CALCRL: variants seen among roughly 807,000 people sequenced by gnomAD.
CALCRL encodes calcitonin receptor like receptor.
Under a neutral mutation model 60.4 loss-of-function variants are expected in CALCRL, and 27 were observed. That is an observed-to-expected ratio of 0.45 (90% CI 0.33 to 0.62). CALCRL has a LOEUF of 0.62. Among genes scored for constraint, CALCRL ranks in the 20% least tolerant of loss-of-function variants. CALCRL has a pLI of 0.03. For synonymous variants in CALCRL, 190 were observed against 182.6 expected (o/e 1.04, Z -0.33); for missense variants, 424 against 540.7 (o/e 0.78, Z 2.14).
intron 3 of CALCRL, among the ~76,000 whole-genome samples, chr2:187,386,133 A>AGATAAATAGATAGAT (rs1553509533): frequency 6.6e-6 from 1 of 151,496 alleles, no homozygotes; most frequent in African/African-American, 2.4e-5. Flanking sequence ...AACTTCTTAT[A>AGATAAATAGATAGAT]GATAGATAGA....
At chr2:187,402,962 A>C (rs1688956191) in intron 1 of CALCRL, among the ~76,000 whole-genome samples, 2 of 151,614 alleles carry the variant, frequency 1.3e-5, no homozygotes, top group African/African-American at 4.8e-5. Context: ...ATCCTTATGA[A>C]AAGAGAAAGA....
At chr2:187,447,899 T>TG (rs1691266964) in intron 1 of CALCRL, 140 bp downstream of exon 1, 1 of 152,118 alleles carries the variant, frequency 6.6e-6, no homozygotes, top group Non-Finnish European at 1.5e-5. Context: ...TAGGCTGTAT[T>TG]TTCTCTAGCA....
chr2:187,444,918 C>T (rs1691102606), intron 1 of CALCRL, among the ~76,000 whole-genome samples: 1 of 151,432 alleles, frequency 6.6e-6, no homozygotes, highest in Admixed American at 6.6e-5. Context: ...AGAATGTAGA[C>T]TTGTATTTCT....
At chr2:187,436,195 T>A (rs1690637385) in intron 1 of CALCRL, among the ~76,000 whole-genome samples, 1 of 152,196 alleles carries the variant, frequency 6.6e-6, no homozygotes, top group South Asian at 2.1e-4. Context: ...CTCTATTGTG[T>A]TATTATGCCC....
chr2:187,373,848 A>G (rs1355063898), intron 8 of CALCRL, among the ~76,000 whole-genome samples: 1 of 152,160 alleles, frequency 6.6e-6, no homozygotes, highest in Admixed American at 6.5e-5. Context: ...GGAATTTGAG[A>G]CCAATACTGC....
At position 187,380,559 on chromosome 2, in the gene CALCRL, C is replaced by A; in HGVS notation, c.316G>T (p.Asp106Tyr). ...TGTCTAAACCAGTTTCCATCTTGGT[C>A]ACAGATCTTTGTAACTTTTTCTTTA... is the stretch of plus-strand genomic sequence containing the variant. ...DPSEKVTKICDQDGNWFRHPA... is the reference protein window; with the variant it reads ...DPSEKVTKICYQDGNWFRHPA... Residue 106 changes from aspartate to tyrosine, a missense_variant, in exon 7 of 15, where the codon GAC (aspartate) becomes TAC (tyrosine). Asp to Tyr is a radical substitution (Grantham distance 160). Transcript: ENST00000392370. The A allele has an allele frequency of 1.2e-6, 2 of 1,612,218 alleles. No homozygotes were observed. Among genetic ancestry groups the A allele is most frequent in the South Asian group, 1.1e-5 (1 of 90,930 alleles).
chr2:187,385,483 T>A, intron 4 of CALCRL, 62 bp downstream of exon 4: 1 of 820,510 alleles, frequency 1.2e-6, no homozygotes, highest in South Asian at 1.6e-5. Context: ...TTAATATTCT[T>A]TATCAATTAT....
At position 187,379,195 on chromosome 2, in the gene CALCRL, C is replaced by T. The variant is rs1024022088; in HGVS notation, c.409-164G>A. ...GTTTACAAACCAATAAATACTTGAA[C>T]GTGTCTGGAATGAAAAATATCTATC... On this transcript the variant is annotated intron_variant, in intron 7 of 14. Transcript: ENST00000392370. 1.5e-4 allele frequency among the ~76,000 whole-genome samples: 23 copies of T among 152,034 alleles called. 1 individual carries two copies. Among genetic ancestry groups the T allele is most frequent in the Middle Eastern group, 3.4e-3 (1 of 294 alleles).
intron 1 of CALCRL, among the ~76,000 whole-genome samples, chr2:187,435,457 C>T (rs1250074457): frequency 6.6e-6 from 1 of 152,178 alleles, no homozygotes; most frequent in African/African-American, 2.4e-5. Context: ...GGTCCCACCT[C>T]CAACACTGGG....
At chr2:187,375,964 G>A (rs549064049) in intron 8 of CALCRL, among the ~76,000 whole-genome samples, 1 of 152,250 alleles carries the variant, frequency 6.6e-6, no homozygotes, top group African/African-American at 2.4e-5. Flanking sequence ...AAGAAATACA[G>A]TTTATGTGTG....
chr2:187,437,687 A>T (rs1296435504), intron 1 of CALCRL, among the ~76,000 whole-genome samples: 1 of 152,324 alleles, frequency 6.6e-6, no homozygotes, highest in Admixed American at 6.5e-5. Flanking sequence ...TAATAACTTT[A>T]TCAAAAATAT....
chr2:187,406,781 T>C (rs1378445695), intron 1 of CALCRL, among the ~76,000 whole-genome samples: 1 of 152,012 alleles, frequency 6.6e-6, no homozygotes, highest in Non-Finnish European at 1.5e-5. Flanking sequence ...TCTTACTTGG[T>C]TTATTTCCTA....
intron 12 of CALCRL, among the ~76,000 whole-genome samples, chr2:187,354,970 G>A (rs933905915): frequency 3.3e-5 from 5 of 151,950 alleles, no homozygotes; most frequent in African/African-American, 9.7e-5. Context: ...TAGCCCAAAC[G>A]ATATATTATA....
intron 1 of CALCRL, among the ~76,000 whole-genome samples, chr2:187,438,650 T>G (rs1160680974): frequency 6.6e-6 from 1 of 152,178 alleles, no homozygotes; most frequent in Non-Finnish European, 1.5e-5. Flanking sequence ...GTCAGCCAGT[T>G]TCAACAAGAA....
rs553873959 is a variant in CALCRL, at chr2:187,345,359, T to G, written c.*825A>C. The G allele has an allele frequency of 7.2e-5, 11 of 152,378 alleles. No individual in the cohort carries two copies. Among genetic ancestry groups the G allele is most frequent in the African/African-American group, 9.6e-5 (4 of 41,514 alleles). 9.4% of individuals were successfully genotyped at this position (152,378 alleles called of 1,614,324 possible). A position where few individuals can be genotyped will look rare whatever the true frequency, so the allele number is the denominator to read the frequency against. On this transcript the variant is annotated 3_prime_UTR_variant, in exon 15 of 15. Transcript: ENST00000392370. ...AATGATTGCTAATTTGTTTATACAG[T>G]AGAAATGGAAGGGACAAAATTTATA...
chr2:187,360,633 T>C lies in CALCRL; in HGVS notation c.746A>G (p.Lys249Arg). 6.2e-7 allele frequency: 1 copy of C among 1,612,248 alleles called. No homozygotes were observed. The highest frequency in any genetic ancestry group is 8.5e-7 in the Non-Finnish European group (1 of 1,179,060). Reference sequence around the variant, plus strand: ...AAAATAATACCACATTAAATGTTGCTTCTCTGCAAACACGGCCACCACAAT... The same window carrying C: ...AAAATAATACCACATTAAATGTTGCCTCTCTGCAAACACGGCCACCACAAT... ...TLIVVAVFAE[K>R]QHLMWYYFLG... The change falls in exon 10 of 15, where the codon AAG becomes AGG. Residue 249 changes from lysine (K) to arginine (R), a missense_variant. Coordinates refer to ENST00000392370, the MANE Select transcript of CALCRL (RefSeq NM_005795.6).
chr2:187,430,674 T>C (rs563240573), intron 1 of CALCRL, among the ~76,000 whole-genome samples: 1 of 152,242 alleles, frequency 6.6e-6, no homozygotes, highest in East Asian at 1.9e-4. Flanking sequence ...CAGGGAGTTC[T>C]AAAAATAATA....
chr2:187,360,434 A>G (rs956873894), intron 10 of CALCRL, among the ~76,000 whole-genome samples, 164 bp downstream of exon 10: 1 of 152,106 alleles, frequency 6.6e-6, no homozygotes, highest in African/African-American at 2.4e-5. Flanking sequence ...AGTCAGTGAT[A>G]CTTTGCTTAA....
intron 1 of CALCRL, among the ~76,000 whole-genome samples, chr2:187,443,353 A>G (rs1691015965): frequency 6.6e-6 from 1 of 151,836 alleles, no homozygotes; most frequent in Non-Finnish European, 1.5e-5. Context: ...CTAAATGCCA[A>G]GTGCTAAAAA....
Sources: gnomAD v4.1 joint callset for allele counts (sites outside exome capture counted in the v4.1 genomes callset) on GRCh38, gnomAD v4.1.1 for gene constraint, MANE v1.5 for transcripts, NCBI Gene and HGNC (gene_info 2026-07-23, HGNC 2026-07-21) for gene names.